ACLY: variants seen among roughly 807,000 people sequenced by gnomAD.
ACLY encodes ATP citrate lyase, also known as ATP-citrate synthase.
In ACLY, 41 loss-of-function variants were observed where a neutral mutation model predicts 133.0. The observed-to-expected ratio is 0.31, with a 90% CI of 0.24 to 0.40. The LOEUF (loss-of-function observed/expected upper bound fraction) is 0.40, where lower values mean the gene tolerates loss of function less well. ACLY is among the 10% of genes least tolerant of loss of function. The pLI is 1.00. For synonymous variants in ACLY, 495 were observed against 549.3 expected, an observed-to-expected ratio of 0.90 and a Z score of 1.38; for missense variants, 1,046 against 1,453.8, an observed-to-expected ratio of 0.72 and a Z score of 4.56.
At chr17:41,881,887 TAC>T (rs1339928205) in intron 20 of ACLY, among the ~76,000 whole-genome samples, 1 of 152,168 alleles carries the variant, frequency 6.6e-6, no homozygotes, top group Non-Finnish European at 1.5e-5. Flanking sequence ...AAAACCCACA[TAC>T]ACACACACTT....
chr17:41,918,941 A>G lies in ACLY; in HGVS notation c.-85T>C, dbSNP rs1396183853. The G allele has an allele frequency of 2.3e-6, 3 of 1,289,244 alleles. No homozygotes were observed. The highest frequency in any genetic ancestry group is 2.3e-5 in the Admixed American group (1 of 43,512). The allele number at this position is 1,289,244 out of a possible 1,614,324, so 79.9% of individuals were successfully genotyped here. On this transcript the variant is annotated 5_prime_UTR_variant, in exon 1 of 29. Coordinates refer to ENST00000352035, the MANE Select transcript of ACLY (RefSeq NM_001096.3). ...GCCCGACGAACCCCGCAAAATCCGG[A>G]GCACCCCAGCAGCCGGTAGCTTCCC...
chr17:41,887,565 C>G lies in ACLY; in HGVS notation c.1875+34G>C, dbSNP rs375260598. ...GGCATTGAACTTCATAAGATAGCAT[C>G]GAACGTAAAAGGCTTTCCGGAGGGG... On this transcript the variant is annotated intron_variant, in intron 17 of 28. Transcript: ENST00000352035. 22 of 1,578,486 alleles carry G rather than the reference C, an allele frequency of 1.4e-5. No individual in the cohort carries two copies. In the African/African-American group the frequency reaches 2.0e-4, roughly 14 times the overall value.
chr17:41,899,178 G>C (rs1298737967), intron 11 of ACLY, among the ~76,000 whole-genome samples: 1 of 152,086 alleles, frequency 6.6e-6, no homozygotes, highest in African/African-American at 2.4e-5. Context: ...CGGAGGCTCA[G>C]GCAGGAGGAT....
chr17:41,885,559 A>G (rs2049025708), intron 18 of ACLY, among the ~76,000 whole-genome samples: 1 of 152,238 alleles, frequency 6.6e-6, no homozygotes, highest in African/African-American at 2.4e-5. Flanking sequence ...TACCAAAAAT[A>G]ATGAGGATAC....
chr17:41,899,278 C>CAA (rs534618272), intron 11 of ACLY, among the ~76,000 whole-genome samples: 3 of 128,908 alleles, frequency 2.3e-5, no homozygotes, highest in Non-Finnish European at 5.0e-5. Flanking sequence ...CTCTTGTCTC[C>CAA]AAAAAAAAAA....
chr17:41,892,894 G>A (rs981666811), intron 15 of ACLY, 139 bp downstream of exon 15: 3 of 1,065,976 alleles, frequency 2.8e-6, no homozygotes, highest in Non-Finnish European at 4.0e-6. Flanking sequence ...CCCAGGGCTG[G>A]TCTCAAACTC....
intron 1 of ACLY, among the ~76,000 whole-genome samples, chr17:41,928,965 TC>T (rs1239025847): frequency 1.3e-5 from 2 of 151,578 alleles, no homozygotes; most frequent in Non-Finnish European, 2.9e-5. Flanking sequence ...CCAGCAACAG[TC>T]CTCAACTCAT....
intron 16 of ACLY, among the ~76,000 whole-genome samples, chr17:41,891,405 C>CATTT (rs1281594875): frequency 2.2e-4 from 34 of 151,800 alleles, no homozygotes; most frequent in East Asian, 1.6e-3. Context: ...ATTTATTTAA[C>CATTT]ATTTATTTAT....
At chr17:41,911,650 AT>A (rs2049904045) in intron 3 of ACLY, among the ~76,000 whole-genome samples, 1 of 151,580 alleles carries the variant, frequency 6.6e-6, no homozygotes, top group African/African-American at 2.4e-5. Context: ...CCCTAACTCT[AT>A]AAAAAAATGT....
chr17:41,908,889 A>G, intron 6 of ACLY, 100 bp downstream of exon 6: 1 of 957,302 alleles, frequency 1.0e-6, no homozygotes, highest in Non-Finnish European at 1.7e-6. Flanking sequence ...GTCTTGTGTT[A>G]CCCTCTGGCA....
chr17:41,882,833 C>T (rs545615256), intron 20 of ACLY, among the ~76,000 whole-genome samples: 19 of 152,276 alleles, frequency 1.2e-4, no homozygotes, highest in African/African-American at 4.3e-4. Context: ...CAAACATCAC[C>T]TTCTCAGGGA....
rs782391001 is a variant in ACLY, at chr17:41,886,223, G to A, written c.1961C>T (p.Pro654Leu). The A allele has an allele frequency of 6.2e-7, 1 of 1,614,206 alleles. No individual in the cohort carries two copies. The highest frequency in any genetic ancestry group is 8.5e-7 in the Non-Finnish European group (1 of 1,180,020). The part of the protein sequence containing the change: ...DNILASKLYR[P>L]GSVAYVSRSG... ...ACGTGAGACATAGGCCACGCTGCCTGGGCGGTACAGTTTGGAGGCCAGGAT... is the reference window on the plus strand; with the variant it reads ...ACGTGAGACATAGGCCACGCTGCCTAGGCGGTACAGTTTGGAGGCCAGGAT... The change falls in exon 18 of 29, where the codon CCA becomes CTA. Residue 654 changes from proline to leucine, a missense_variant. Coordinates refer to ENST00000352035, the MANE Select transcript of ACLY (RefSeq NM_001096.3).
chr17:41,913,203 C>T (rs1477286624), intron 2 of ACLY, among the ~76,000 whole-genome samples: 3 of 152,204 alleles, frequency 2.0e-5, no homozygotes, highest in African/African-American at 7.2e-5. Flanking sequence ...TCCAGGCTGA[C>T]CCTCCAGGGT....
chr17:41,912,477 G>C lies in ACLY; in HGVS notation c.225C>G (p.Asn75Lys). ...RRGKLGLVGV[N>K]LTLDGVKSWL... ...AGGACTTGACCCCATCCAGAGTGAGGTTGACCCCAACGAGACCAAGTTTTC... is the reference window on the plus strand; with the variant it reads ...AGGACTTGACCCCATCCAGAGTGAGCTTGACCCCAACGAGACCAAGTTTTC... Residue 75 changes from asparagine (N) to lysine (K), a missense_variant, in exon 3 of 29, where the codon AAC becomes AAG. Asn to Lys is a moderately conservative substitution (Grantham distance 94). Transcript: ENST00000352035. 1 of 1,614,242 alleles carries C rather than the reference G, an allele frequency of 6.2e-7. No individual in the cohort carries two copies. The highest frequency in any genetic ancestry group is 8.5e-7 in the Non-Finnish European group (1 of 1,180,044).
chr17:41,910,180 C>T (rs782309861), intron 4 of ACLY, 42 bp downstream of exon 4: 15 of 1,594,884 alleles, frequency 9.4e-6, no homozygotes, highest in Non-Finnish European at 1.3e-5. Flanking sequence ...ACCCAAGGTT[C>T]CAGGAGGGAG....
intron 15 of ACLY, 77 bp downstream of exon 15, chr17:41,892,956 G>C: frequency 6.5e-7 from 1 of 1,546,958 alleles, no homozygotes; most frequent in Non-Finnish European, 8.8e-7. Context: ...TAGGATTACA[G>C]GCATGAGCCA....
intron 1 of ACLY, among the ~76,000 whole-genome samples, chr17:41,925,726 G>A (rs1555635905): frequency 1.3e-5 from 2 of 152,168 alleles, no homozygotes; most frequent in Admixed American, 6.6e-5. Context: ...GAGAGATGAT[G>A]AGGGCTCACA....
chr17:41,907,352 T>C lies in ACLY; in HGVS notation c.747+90A>G, dbSNP rs1022722447. Reference sequence around the variant, plus strand: ...TTCCTTTCCCTGCCAAATAAACAGCTCATGAAGGGGGGCCAAATGCACATC... The same window carrying C: ...TTCCTTTCCCTGCCAAATAAACAGCCCATGAAGGGGGGCCAAATGCACATC... On this transcript the variant is annotated intron_variant, in intron 7 of 28. Coordinates refer to ENST00000352035, the MANE Select transcript of ACLY (RefSeq NM_001096.3). The C allele has an allele frequency of 1.3e-4, 142 of 1,118,920 alleles. No homozygotes were observed. The African/African-American group carries it at 2.1e-3, about 17-fold the overall frequency. 69.3% of individuals were successfully genotyped at this position (1,118,920 alleles called of 1,614,324 possible).
intron 11 of ACLY, among the ~76,000 whole-genome samples, chr17:41,901,354 G>A (rs1354812113): frequency 6.6e-6 from 1 of 152,014 alleles, no homozygotes; most frequent in Non-Finnish European, 1.5e-5. Flanking sequence ...CCTGGCACTC[G>A]GCACCCCCTG....
Sources: gnomAD v4.1 joint callset for allele counts (sites outside exome capture counted in the v4.1 genomes callset) on GRCh38, gnomAD v4.1.1 for gene constraint, MANE v1.5 for transcripts, NCBI Gene and HGNC (gene_info 2026-07-23, HGNC 2026-07-21) for gene names.